Variants in TENM2 observed in about 807,000 individuals in gnomAD.
TENM2 encodes the protein teneurin transmembrane protein 2.
A neutral mutation model predicts 245.2 loss-of-function variants in TENM2; 52 were observed. The ratio of observed to expected loss-of-function variants is 0.21; its 90% CI spans 0.17 to 0.27. The LOEUF (loss-of-function observed/expected upper bound fraction) is 0.27. TENM2 is among the 10% of genes least tolerant of loss of function. The pLI is 1.00. For missense variants in TENM2, 3,046 were observed against 3,666.8 expected (o/e 0.83, Z 4.37); for synonymous variants, 1,363 against 1,438.9 (o/e 0.95, Z 1.19).
At chr5:167,729,516 G>A (rs1760267214) in intron 2 of TENM2, among the ~76,000 whole-genome samples, 1 of 152,156 alleles carries the variant, frequency 6.6e-6, no homozygotes, top group Admixed American at 6.5e-5. Context: ...AATTATGGAA[G>A]CATGCTGGCT....
chr5:167,657,566 C>T (rs1267264799), intron 2 of TENM2, among the ~76,000 whole-genome samples: 1 of 152,172 alleles, frequency 6.6e-6, no homozygotes, highest in Non-Finnish European at 1.5e-5. Flanking sequence ...CCATACTGTC[C>T]TTCACAGTGG....
the TENM2 span, among the ~76,000 whole-genome samples, chr5:167,062,249 G>A: frequency 1.1e-3 from 169 of 152,174 alleles, 1 homozygote; most frequent in Non-Finnish European, 1.7e-3. Flanking sequence ...AGTATGGAAT[G>A]TAATAGTTGA....
intron 2 of TENM2, among the ~76,000 whole-genome samples, chr5:167,812,317 C>A (rs1490578198): frequency 1.3e-5 from 2 of 152,108 alleles, no homozygotes; most frequent in East Asian, 3.9e-4. Context: ...GAAAGATCAT[C>A]CTAGGGCATT....
intron 14 of TENM2, 82 bp from the exon 17 acceptor site, chr5:168,195,094 A>T: frequency 2.7e-6 from 4 of 1,495,882 alleles, no homozygotes; most frequent in Non-Finnish European, 1.8e-6. Context: ...GGACCAGATG[A>T]GGATGAGGGA....
At chr5:168,226,890 G>A (rs563730826) in intron 24 of TENM2, among the ~76,000 whole-genome samples, 3 of 152,308 alleles carry the variant, frequency 2.0e-5, no homozygotes, top group Middle Eastern at 3.4e-3. Context: ...ATATAATGTC[G>A]GTGGGCTAGC....
At chr5:167,998,814 C>T (rs981894125) in intron 5 of TENM2, among the ~76,000 whole-genome samples, 7 of 152,228 alleles carry the variant, frequency 4.6e-5, no homozygotes, top group African/African-American at 1.7e-4. Flanking sequence ...CTGGAAAGAA[C>T]GCGGGCCATC....
At chr5:167,180,965 A>G in the TENM2 span, among the ~76,000 whole-genome samples, 1 of 150,652 alleles carries the variant, frequency 6.6e-6, no homozygotes, top group Non-Finnish European at 1.5e-5. Flanking sequence ...AACAAAAAAC[A>G]AAAACCAAAA....
chr5:167,295,229 G>C (rs1285417312), intron 1 of TENM2, among the ~76,000 whole-genome samples: 1 of 152,210 alleles, frequency 6.6e-6, no homozygotes, highest in Non-Finnish European at 1.5e-5. Flanking sequence ...TGGTATGTCT[G>C]TCCAGCATGA....
intron 2 of TENM2, among the ~76,000 whole-genome samples, chr5:167,638,218 A>G (rs1352848387): frequency 1.3e-5 from 2 of 151,258 alleles, no homozygotes; most frequent in African/African-American, 2.4e-5. Context: ...TAACAGTTTG[A>G]CTCTCAAGTT....
intron 2 of TENM2, among the ~76,000 whole-genome samples, chr5:167,519,995 G>A (rs1376027293): frequency 1.3e-5 from 2 of 152,112 alleles, no homozygotes; most frequent in African/African-American, 2.4e-5. Context: ...TAAAACTGAA[G>A]AATCATGTCA....
chr5:168,135,558 C>T (rs954718222), intron 12 of TENM2, among the ~76,000 whole-genome samples: 4 of 152,136 alleles, frequency 2.6e-5, no homozygotes, highest in Admixed American at 1.3e-4. Context: ...GTAACCACAT[C>T]GTTGGCTATT....
chr5:168,054,431 C>T (rs138416307), intron 6 of TENM2, among the ~76,000 whole-genome samples: 153 of 152,252 alleles, frequency 1.0e-3, no homozygotes, highest in Non-Finnish European at 1.8e-3. Flanking sequence ...TAAATGGAAA[C>T]GAGGTGTAAT....
chr5:168,090,606 G>A (rs1007666132), exon 8 of TENM2: 8 of 1,613,586 alleles, frequency 5.0e-6, no homozygotes, highest in Non-Finnish European at 6.8e-6. Flanking sequence ...ACGGGAAGGA[G>A]AAGTGGAGTG....
intron 5 of TENM2, among the ~76,000 whole-genome samples, chr5:168,034,119 GTGTATA>G (rs1344230158): frequency 1.7e-5 from 2 of 114,780 alleles, no homozygotes; most frequent in East Asian, 4.6e-4. Flanking sequence ...ACATATATAT[GTGTATA>G]TATATATATG....
the TENM2 span, among the ~76,000 whole-genome samples, chr5:167,104,265 GACA>G: frequency 6.6e-6 from 1 of 152,142 alleles, no homozygotes; most frequent in African/African-American, 2.4e-5. Context: ...TGTGAAAAGA[GACA>G]ACATGTTTTG....
At chr5:167,220,672 A>G in the TENM2 span, among the ~76,000 whole-genome samples, 1 of 152,168 alleles carries the variant, frequency 6.6e-6, no homozygotes, top group Admixed American at 6.5e-5. Flanking sequence ...GCCCTGCTGC[A>G]TGTCAGCTTT....
chr5:167,488,645 C>T (rs1768234912), intron 2 of TENM2, among the ~76,000 whole-genome samples: 1 of 152,078 alleles, frequency 6.6e-6, no homozygotes, highest in Non-Finnish European at 1.5e-5. Flanking sequence ...CTATGAAATC[C>T]TGCACCCCGC....
chr5:167,662,196 C>A (rs1466995428), intron 2 of TENM2, among the ~76,000 whole-genome samples: 2 of 152,086 alleles, frequency 1.3e-5, no homozygotes, highest in Non-Finnish European at 2.9e-5. Context: ...CCACACAGAA[C>A]CATGAGGTAC....
Position 167,619,607 on chromosome 5 carries a change from A to G in TENM2, c.502+244134A>G, listed in dbSNP as rs76317073. Among the ~76,000 whole-genome samples, 600 of 152,230 alleles carry G rather than the reference A, an allele frequency of 3.9e-3. 5 individuals carry two copies. Among genetic ancestry groups the G allele is most frequent in the African/African-American group, 0.014 (562 of 41,552 alleles). ...TGTAAAATGGGGACCTGAGACATTGACTCTCACAGTTGTCTTGAGGATTAA... is the reference window on the plus strand; with the variant it reads ...TGTAAAATGGGGACCTGAGACATTGGCTCTCACAGTTGTCTTGAGGATTAA... On this transcript the variant is annotated intron_variant, in intron 2 of 28. Transcript: ENST00000518659.
Sources: allele counts gnomAD v4.1 joint callset (sites outside exome capture counted in the v4.1 genomes callset), GRCh38; gene constraint gnomAD v4.1.1; transcripts MANE v1.5; gene names NCBI Gene and HGNC (gene_info 2026-07-23, HGNC 2026-07-21).